The following ANKRD6 variants were observed in gnomAD, a reference collection of about 807,000 sequenced individuals.
The protein encoded by ANKRD6 is ankyrin repeat domain-containing protein 6.
In ANKRD6, 56 loss-of-function variants were observed where a neutral mutation model predicts 82.3. The observed-to-expected ratio is 0.68, with a 90% confidence interval of 0.55 to 0.85. The LOEUF (loss-of-function observed/expected upper bound fraction) is 0.85. Ranked by LOEUF, ANKRD6 falls within the 40% of genes least tolerant of loss-of-function variation. ANKRD6 has a pLI of 0.00. For synonymous variants in ANKRD6, 347 were observed against 352.1 expected, an observed-to-expected ratio of 0.99 and a Z score of 0.16; for missense variants, 852 against 907.6, an observed-to-expected ratio of 0.94 and a Z score of 0.79.
intron 1 of ANKRD6, among the ~76,000 whole-genome samples, chr6:89,460,666 C>G (rs1267722719): frequency 6.6e-6 from 1 of 151,948 alleles, no homozygotes; most frequent in Non-Finnish European, 1.5e-5. Flanking sequence ...GAACTCCTGA[C>G]CCCAGGCAAT....
intron 1 of ANKRD6, among the ~76,000 whole-genome samples, chr6:89,447,854 A>ATTTTTTTTTTTTCTTT (rs530068070): frequency 8.4e-6 from 1 of 119,010 alleles, no homozygotes; most frequent in Non-Finnish European, 1.7e-5. Flanking sequence ...CGCCCAGCTA[A>ATTTTTTTTTTTTCTTT]TTTTTTTTTT....
At chr6:89,615,512 T>C (rs137881767) in intron 7 of ANKRD6, among the ~76,000 whole-genome samples, 153 of 152,290 alleles carry the variant, frequency 1.0e-3, no homozygotes, top group African/African-American at 3.6e-3. Flanking sequence ...GCCCACATGG[T>C]AGACCAATGA....
chr6:89,442,752 A>G (rs140545352), intron 1 of ANKRD6, among the ~76,000 whole-genome samples: 1 of 152,260 alleles, frequency 6.6e-6, no homozygotes, highest in East Asian at 1.9e-4. Context: ...AAGATCTGGA[A>G]TCAGTAGACA....
intron 1 of ANKRD6, among the ~76,000 whole-genome samples, chr6:89,469,187 A>G (rs1775178906): frequency 6.6e-6 from 1 of 152,228 alleles, no homozygotes; most frequent in Non-Finnish European, 1.5e-5. Context: ...AATCTTGTCT[A>G]GAGTATGTTT....
intron 1 of ANKRD6, among the ~76,000 whole-genome samples, chr6:89,543,461 C>G (rs1784669310): frequency 6.6e-6 from 1 of 152,132 alleles, no homozygotes; most frequent in Non-Finnish European, 1.5e-5. Context: ...CTCCATAAGC[C>G]CCCACTCTAA....
chr6:89,530,571 T>A (rs1213195945), intron 1 of ANKRD6, among the ~76,000 whole-genome samples: 1 of 152,152 alleles, frequency 6.6e-6, no homozygotes, highest in East Asian at 1.9e-4. Flanking sequence ...TAGCACAGTT[T>A]GCTTTCAGGG....
At chr6:89,465,203 T>C (rs1386402520) in intron 1 of ANKRD6, among the ~76,000 whole-genome samples, 2 of 149,494 alleles carry the variant, frequency 1.3e-5, no homozygotes, top group Admixed American at 6.8e-5. Flanking sequence ...CACAGCAACC[T>C]CTGCCTCCTG....
intron 3 of ANKRD6, 53 bp downstream of exon 3, chr6:89,596,067 G>T: frequency 6.8e-7 from 1 of 1,471,640 alleles, no homozygotes; most frequent in Non-Finnish European, 9.3e-7. Flanking sequence ...AGGTTTTCTG[G>T]CTAGAAATCC....
intron 1 of ANKRD6, among the ~76,000 whole-genome samples, chr6:89,481,867 A>G (rs751640658): frequency 2.6e-5 from 4 of 152,160 alleles, no homozygotes; most frequent in Non-Finnish European, 5.9e-5. Flanking sequence ...ACTGCCTTCT[A>G]CTATGTGATG....
intron 2 of ANKRD6, among the ~76,000 whole-genome samples, chr6:89,585,978 A>G (rs943919316): frequency 1.3e-5 from 2 of 152,240 alleles, no homozygotes; most frequent in South Asian, 2.1e-4. Context: ...AAAAAATCCA[A>G]TGTTTAAATT....
intron 1 of ANKRD6, among the ~76,000 whole-genome samples, chr6:89,439,000 A>G (rs1771002803): frequency 6.6e-6 from 1 of 152,110 alleles, no homozygotes; most frequent in South Asian, 2.1e-4. Context: ...GTGTTTGTAT[A>G]TATGTATATA....
intron 5 of ANKRD6, 78 bp from the exon 6 acceptor site, chr6:89,612,194 C>G: frequency 7.6e-7 from 1 of 1,317,150 alleles, no homozygotes; most frequent in South Asian, 1.3e-5. Context: ...CGAGTAAGTA[C>G]TGCCCCTCTG....
Position 89,624,502 on chromosome 6 carries a change from G to C in ANKRD6, c.1219-37G>C, listed in dbSNP as rs180836126. The stretch of plus-strand genomic sequence containing the variant: ...CTCAAAACATACCTGATGAAGGAAT[G>C]AACAAGGGATTGATTCCTTTTTTGT... On this transcript the variant is annotated intron_variant, in intron 12 of 15. Coordinates refer to ENST00000339746, the MANE Select transcript of ANKRD6 (RefSeq NM_001242809.2). The C allele has an allele frequency of 2.3e-5, 35 of 1,549,346 alleles. No homozygotes were observed. The East Asian group carries it at 8.3e-4, about 37-fold the overall frequency.
Position 89,606,001 on chromosome 6 carries a change from C to T in ANKRD6, c.319-6C>T, listed in dbSNP as rs1228809978. On this transcript the variant is annotated splice_region_variant and splice_polypyrimidine_tract_variant and intron_variant, in intron 4 of 15. Transcript: ENST00000339746. The stretch of plus-strand genomic sequence containing the variant: ...TGTGCCTTTCCCACCTGTGTGTCTT[C>T]CTTAGGATGGGAATACAGCCTTGCA... 3 of 1,572,642 alleles carry T rather than the reference C, an allele frequency of 1.9e-6. No individual in the cohort carries two copies. Among genetic ancestry groups the T allele is most frequent in the Non-Finnish European group, 2.6e-6 (3 of 1,154,298 alleles).
chr6:89,524,390 A>G (rs893597585), intron 1 of ANKRD6, among the ~76,000 whole-genome samples: 3 of 151,960 alleles, frequency 2.0e-5, no homozygotes, highest in Non-Finnish European at 4.4e-5. Context: ...AGAACATACG[A>G]TATTTGCTTT....
At chr6:89,573,527 G>A (rs916530720) in intron 2 of ANKRD6, among the ~76,000 whole-genome samples, 1 of 152,146 alleles carries the variant, frequency 6.6e-6, no homozygotes, top group South Asian at 2.1e-4. Context: ...ATCTTGAGAA[G>A]TCCTTTCACC....
chr6:89,628,468 C>A, intron 14 of ANKRD6: 1 of 156,972 alleles, frequency 6.4e-6, no homozygotes, highest in Non-Finnish European at 1.4e-5. Context: ...GCAACCAACT[C>A]CTTCAAAAAC....
At chr6:89,597,228 TA>T (rs1280332693) in intron 3 of ANKRD6, among the ~76,000 whole-genome samples, 1 of 152,268 alleles carries the variant, frequency 6.6e-6, no homozygotes, top group Non-Finnish European at 1.5e-5. Context: ...AATGTTGATT[TA>T]GCTTTAAGCC....
At position 89,617,887 on chromosome 6, in the gene ANKRD6, C is replaced by A. The variant is rs1278844729; in HGVS notation, c.715-67C>A. The A allele has an allele frequency of 4.0e-6, 6 of 1,491,142 alleles. No homozygotes were observed. In the East Asian group the frequency reaches 6.8e-5, roughly 17 times the overall value. 92.4% of individuals were successfully genotyped at this position (1,491,142 alleles called of 1,614,324 possible). The stretch of plus-strand genomic sequence containing the variant: ...CTGCCTGCTCCTGGCCAGAGCTGTG[C>A]CAGCTGGGCTATGTGCGTGTGGGAC... On this transcript the variant is annotated intron_variant, in intron 8 of 15. Coordinates refer to ENST00000339746, the MANE Select transcript of ANKRD6 (RefSeq NM_001242809.2).
Sources: allele counts gnomAD v4.1 joint callset (sites outside exome capture counted in the v4.1 genomes callset), GRCh38; gene constraint gnomAD v4.1.1; transcripts MANE v1.5; gene names NCBI Gene and HGNC (gene_info 2026-07-23, HGNC 2026-07-21).